EHD2: variants seen among roughly 807,000 people sequenced by gnomAD.
The protein encoded by EHD2 is EH domain containing 2.
EHD2 carries 27 observed loss-of-function variants against 41.0 expected under a neutral mutation model. The observed-to-expected ratio is 0.66, with a 90% CI of 0.49 to 0.91. EHD2 has a LOEUF of 0.91. EHD2 is among the 40% of genes least tolerant of loss of function. EHD2 has a pLI of 0.00. For missense variants in EHD2, 673 were observed against 773.9 expected, an observed-to-expected ratio of 0.87 and a Z score of 1.55; for synonymous variants, 342 against 341.0, an observed-to-expected ratio of 1.00 and a Z score of -0.03.
intron 4 of EHD2, among the ~76,000 whole-genome samples, chr19:47,728,871 A>G (rs1973780262): frequency 6.7e-6 from 1 of 150,072 alleles, no homozygotes. Flanking sequence ...CACCCAGCCA[A>G]TCAGGGCTCT....
chr19:47,720,378 C>T (rs1165055639), intron 3 of EHD2, among the ~76,000 whole-genome samples: 2 of 151,980 alleles, frequency 1.3e-5, no homozygotes, highest in African/African-American at 2.4e-5. Context: ...ACCATGTTGG[C>T]CAGGCTGGTC....
At chr19:47,739,277 T>A (rs1966959365) in intron 5 of EHD2, among the ~76,000 whole-genome samples, 1 of 18,800 alleles carries the variant, frequency 5.3e-5, no homozygotes, top group African/African-American at 2.0e-4. Context: ...ATTTTTAATT[T>A]TTTTTTTTTT....
chr19:47,741,558 C>G lies in EHD2; in HGVS notation c.*126C>G. 1 of 1,119,140 alleles carries G rather than the reference C, an allele frequency of 8.9e-7. No individual in the cohort carries two copies. The highest frequency in any genetic ancestry group is 1.2e-6 in the Non-Finnish European group (1 of 803,210). 69.3% of individuals were successfully genotyped at this position (1,119,140 alleles called of 1,614,324 possible). ...CCAGCTGTAAGGACCGGGGGTCTCC[C>G]TCCTCACTACCGCCAGACACCCCGG... On this transcript the variant is annotated 3_prime_UTR_variant, in exon 6 of 6. Coordinates refer to ENST00000263277, the MANE Select transcript of EHD2 (RefSeq NM_014601.4). The surrounding 1 kb of genome is among the most constrained non-coding windows in gnomAD (Gnocchi z 4.5).
rs1599888016 is a variant in EHD2 at position 47,719,655 on chromosome 19, G to T, written c.502+1049G>T. 6.6e-6 allele frequency among the ~76,000 whole-genome samples: 1 copy of T among 152,264 alleles called. No individual in the cohort carries two copies. The highest frequency in any genetic ancestry group is 1.9e-4 in the East Asian group (1 of 5,164). ...CTGGGGTGGGGTGGGGACGCTGGGG[G>T]TGACCATGTCTCTGGCTGCCGTCCA... On this transcript the variant is annotated intron_variant, in intron 3 of 5. Transcript: ENST00000263277. The surrounding 1 kb of genome is among the most constrained non-coding windows in gnomAD (Gnocchi z 4.1).
chr19:47,717,949 T>C (rs1375180656), intron 2 of EHD2, among the ~76,000 whole-genome samples: 1 of 143,802 alleles, frequency 7.0e-6, no homozygotes, highest in Non-Finnish European at 1.5e-5. Context: ...CACCATGGTC[T>C]CTATGCCATG....
In EHD2 at chr19:47,718,625, TG is replaced by T. The variant is rs1973656755; in HGVS notation, c.502+23del. On this transcript the variant is annotated intron_variant, in intron 3 of 5. Coordinates refer to ENST00000263277, the MANE Select transcript of EHD2 (RefSeq NM_014601.4). ...AGCCGCGGTGAGTGGGGCCAGACCC[TG>T]GGGTCTGAGGGAGGAGGGGCTGGGG... is the stretch of plus-strand genomic sequence containing the variant. 5 of 1,510,668 alleles carry T rather than the reference TG, an allele frequency of 3.3e-6. No homozygotes were observed. The highest frequency in any genetic ancestry group is 1.4e-5 in the African/African-American group (1 of 70,476). The allele number at this position is 1,510,668 out of a possible 1,614,324, so 93.6% of individuals were successfully genotyped here.
rs1973670094 is a variant in EHD2, at chr19:47,719,307, G to A, written c.502+701G>A. ...GGCAGAGCCCGGGCAGGGGAGGCTG[G>A]GCCCTGCGAGCTCCTGGCTCTGCGT... On this transcript the variant is annotated intron_variant, in intron 3 of 5. Coordinates refer to ENST00000263277, the MANE Select transcript of EHD2 (RefSeq NM_014601.4). This position sits in a 1 kb window ranked among gnomAD's most constrained non-coding sequence, Gnocchi z 4.1. Among the ~76,000 whole-genome samples, 1 of 152,122 alleles carries A rather than the reference G, an allele frequency of 6.6e-6. No individual in the cohort carries two copies. The highest frequency in any genetic ancestry group is 2.4e-5 in the African/African-American group (1 of 41,420).
At chr19:47,715,745 T>C (rs943875755) in intron 1 of EHD2, among the ~76,000 whole-genome samples, 6 of 152,168 alleles carry the variant, frequency 3.9e-5, no homozygotes, top group African/African-American at 1.4e-4. Context: ...CATGTCACCA[T>C]TAATCTTTCT....
At position 47,740,895 on chromosome 19, in the gene EHD2, G is replaced by C; in HGVS notation, c.1095G>C (p.Ala365=). Residue 365 remains alanine (A), a synonymous_variant, in exon 6 of 6, where the codon GCG becomes GCC. Coordinates refer to ENST00000263277, the MANE Select transcript of EHD2 (RefSeq NM_014601.4). ...DCQKMQELLM[A]HDFTKFHSLK... ...CCCCACCACAGGAGCTGCTGATGGC[G>C]CACGACTTCACCAAGTTTCACTCGC... is the stretch of plus-strand genomic sequence containing the variant. The C allele has an allele frequency of 6.2e-7, 1 of 1,613,098 alleles. No individual in the cohort carries two copies. Among genetic ancestry groups the C allele is most frequent in the East Asian group, 2.2e-5 (1 of 44,876 alleles).
chr19:47,723,967 G>A (rs1388566061), intron 3 of EHD2, among the ~76,000 whole-genome samples: 3 of 151,980 alleles, frequency 2.0e-5, no homozygotes, highest in Admixed American at 2.0e-4. Context: ...TTACAGGTGT[G>A]AGCCACTCTG....
At chr19:47,718,647 T>G (rs746667239) in intron 3 of EHD2, 41 bp downstream of exon 3, 5 of 1,510,854 alleles carry the variant, frequency 3.3e-6, no homozygotes, top group South Asian at 2.4e-5. Context: ...GAGGAGGGGC[T>G]GGGGCCTGGA....
Position 47,717,031 on chromosome 19 carries a change from A to G in EHD2, c.404+15A>G, listed in dbSNP as rs1232804142. On this transcript the variant is annotated intron_variant, in intron 2 of 5. Transcript: ENST00000263277. Reference sequence around the variant, plus strand: ...TTCCTCAACAGGTGTGCCAGCCGCGAGCCCAGGGCGCATCTTTCTTTTTCT... The same window carrying G: ...TTCCTCAACAGGTGTGCCAGCCGCGGGCCCAGGGCGCATCTTTCTTTTTCT... 3 of 1,598,832 alleles carry G rather than the reference A, an allele frequency of 1.9e-6. No homozygotes were observed. Among genetic ancestry groups the G allele is most frequent in the Non-Finnish European group, 2.5e-6 (3 of 1,179,856 alleles).
At chr19:47,735,962 C>G (rs1966917633) in intron 4 of EHD2, among the ~76,000 whole-genome samples, 1 of 151,268 alleles carries the variant, frequency 6.6e-6, no homozygotes, top group Admixed American at 6.6e-5. Flanking sequence ...CTTTGGGAGG[C>G]CAAGGTGGGC....
intron 1 of EHD2, among the ~76,000 whole-genome samples, chr19:47,714,073 A>T (rs1973600976): frequency 6.6e-6 from 1 of 151,644 alleles, no homozygotes; most frequent in Non-Finnish European, 1.5e-5. Flanking sequence ...TTTTGCTTTT[A>T]TCTCCCCTAC....
chr19:47,725,908 T>C lies in EHD2; in HGVS notation c.599T>C (p.Phe200Ser). The C allele has an allele frequency of 6.2e-7, 1 of 1,613,914 alleles. No individual in the cohort carries two copies. The highest frequency in any genetic ancestry group is 8.5e-7 in the Non-Finnish European group (1 of 1,179,808). The change falls in exon 4 of 6, where the codon TTC (phenylalanine) becomes TCC (serine). Residue 200 changes from phenylalanine (F) to serine (S), a missense_variant. By Grantham distance (155) the Phe-to-Ser change is radical. Coordinates refer to ENST00000263277, the MANE Select transcript of EHD2 (RefSeq NM_014601.4). ...CACAAGCTGGAGATCTCGGACGAGTTCTCAGAGGCCATCGGCGCGTTGCGG... is the reference window on the plus strand; with the variant it reads ...CACAAGCTGGAGATCTCGGACGAGTCCTCAGAGGCCATCGGCGCGTTGCGG... ...DAHKLEISDE[F>S]SEAIGALRGH...
intron 4 of EHD2, chr19:47,731,279 A>ATATATATAT (rs1555793891): frequency 2.8e-4 from 17 of 60,930 alleles, no homozygotes; most frequent in African/African-American, 7.3e-4. Context: ...AAAAAAAAAA[A>ATATATATAT]ATATATATAT....
chr19:47,736,599 G>T lies in EHD2; in HGVS notation c.1080+66G>T, dbSNP rs556935039. The stretch of plus-strand genomic sequence containing the variant: ...GGGAAGGTTGGTTTCTGGAAGCTCT[G>T]AGATGGGACCTCAAAAGCCAGAGGG... On this transcript the variant is annotated intron_variant, in intron 5 of 5. Coordinates refer to ENST00000263277, the MANE Select transcript of EHD2 (RefSeq NM_014601.4). The T allele has an allele frequency of 3.3e-5, 49 of 1,500,362 alleles. No individual in the cohort carries two copies. The African/African-American group carries it at 5.8e-4, about 18-fold the overall frequency. The allele number at this position is 1,500,362 out of a possible 1,614,324, so 92.9% of individuals were successfully genotyped here. A position where few individuals can be genotyped will look rare whatever the true frequency, so the allele number is the denominator to read the frequency against.
intron 4 of EHD2, 88 bp downstream of exon 4, chr19:47,726,312 G>A (rs1224095796): frequency 7.1e-7 from 1 of 1,411,844 alleles, no homozygotes; most frequent in Non-Finnish European, 9.3e-7. Context: ...TGACTTATCA[G>A]GGCCCAGGTT....
At position 47,741,406 on chromosome 19, in the gene EHD2, C is replaced by T. The variant is rs1479278940; in HGVS notation, c.1606C>T (p.Arg536Ter). The part of the protein sequence containing the change: ...LPRRLVPPSK[R>*]RHKGSAE ...CCGTCGCCTGGTGCCACCCTCCAAG[C>T]GACGCCACAAGGGCTCCGCCGAGTG... Residue 536 changes from arginine to a stop codon, truncating the protein, a stop_gained, in exon 6 of 6, where the codon CGA (arginine) becomes TGA (stop). Transcript: ENST00000263277. LOFTEE classifies it high-confidence loss of function. This position sits in a 1 kb window ranked among gnomAD's most constrained non-coding sequence, Gnocchi z 4.5. 2.5e-6 allele frequency: 4 copies of T among 1,591,654 alleles called. No homozygotes were observed. The Admixed American group carries it at 5.1e-5, about 20-fold the overall frequency.
Sources: gnomAD v4.1 joint callset for allele counts (sites outside exome capture counted in the v4.1 genomes callset) on GRCh38, gnomAD v4.1.1 for gene constraint, Gnocchi (gnomAD v3.1) non-coding constraint, MANE v1.5 for transcripts, NCBI Gene and HGNC (gene_info 2026-07-23, HGNC 2026-07-21) for gene names.